Variants in DIAPH2 observed in about 807,000 individuals in gnomAD.
The protein encoded by DIAPH2 is protein diaphanous homolog 2.
DIAPH2 carries 35 observed loss-of-function variants against 92.7 expected under a neutral mutation model. The observed-to-expected ratio is 0.38, with a 90% CI of 0.29 to 0.50. DIAPH2 has a LOEUF of 0.50. Among genes scored for constraint, DIAPH2 ranks in the 20% least tolerant of loss-of-function variants. The pLI, the probability that DIAPH2 is intolerant of heterozygous loss-of-function variation, is 0.94. For missense variants in DIAPH2, 701 were observed against 819.5 expected (o/e 0.86, Z 1.77); for synonymous variants, 301 against 280.4 (o/e 1.07, Z -0.73).
intron 22 of DIAPH2, among the ~76,000 whole-genome samples, chrX:97,216,553 G>A (rs1218733738): frequency 2.8e-5 from 3 of 108,474 alleles, no homozygotes; most frequent in East Asian, 2.9e-4. Context: ...TGATCTTCCC[G>A]CCTTGGCCTC....
chrX:97,578,171 T>TTTA (rs2071411280), intron 26 of DIAPH2, among the ~76,000 whole-genome samples: 2 of 108,854 alleles, frequency 1.8e-5, no homozygotes, highest in Non-Finnish European at 3.8e-5. Context: ...TTTATTTTTA[T>TTTA]TTATTTTTAT....
intron 4 of DIAPH2, among the ~76,000 whole-genome samples, chrX:96,761,854 A>G (rs966879745): frequency 3.6e-5 from 4 of 111,178 alleles, no homozygotes; most frequent in Admixed American, 2.9e-4. Context: ...GAAGACTGTT[A>G]ATGGCACCAA....
chrX:97,530,021 C>T (rs1047137169), intron 26 of DIAPH2, among the ~76,000 whole-genome samples: 1 of 112,063 alleles, frequency 8.9e-6, no homozygotes, highest in African/African-American at 3.2e-5. Flanking sequence ...AGAAATGAGG[C>T]ATATTTCCTT....
At chrX:96,976,348 C>T (rs1201979258) in intron 17 of DIAPH2, among the ~76,000 whole-genome samples, 2 of 110,188 alleles carry the variant, frequency 1.8e-5, no homozygotes, top group Admixed American at 9.7e-5. Flanking sequence ...TCTCAAACTT[C>T]TGGGCTCAAG....
Position 96,856,867 on chromosome X carries a change from T to A in DIAPH2, c.448-24712T>A, listed in dbSNP as rs188576782. Among the ~76,000 whole-genome samples, 83 of 110,309 alleles carry A rather than the reference T, an allele frequency of 7.5e-4. 1 individual carries two copies. Among genetic ancestry groups the A allele is most frequent in the African/African-American group, 2.7e-3 (81 of 30,348 alleles). On this transcript the variant is annotated intron_variant, in intron 4 of 26. Coordinates refer to ENST00000324765, the MANE Select transcript of DIAPH2 (RefSeq NM_006729.5). ...GCCTGGCCAACATGGTGAAACCCTG[T>A]CTCTACTAAAAATACAAAAAAATTA... is the stretch of plus-strand genomic sequence containing the variant.
intron 17 of DIAPH2, among the ~76,000 whole-genome samples, chrX:97,006,803 C>G (rs963229473): frequency 9.0e-6 from 1 of 110,968 alleles, no homozygotes; most frequent in African/African-American, 3.3e-5. Context: ...TTACTCCTAC[C>G]ATTTTGTTAT....
At chrX:96,942,992 T>G (rs1363801557) in intron 13 of DIAPH2, among the ~76,000 whole-genome samples, 1 of 111,779 alleles carries the variant, frequency 8.9e-6, no homozygotes, top group Non-Finnish European at 1.9e-5. Flanking sequence ...TATTTCTGTT[T>G]TAAATGTAAT....
intron 17 of DIAPH2, among the ~76,000 whole-genome samples, chrX:96,981,136 T>C (rs1225296082): frequency 9.1e-6 from 1 of 109,981 alleles, no homozygotes; most frequent in Non-Finnish European, 1.9e-5. Flanking sequence ...ATCATGCCAC[T>C]GCAATGTAGC....
intron 22 of DIAPH2, among the ~76,000 whole-genome samples, chrX:97,237,583 A>ATT (rs200891851): frequency 2.1e-4 from 22 of 103,985 alleles, no homozygotes; most frequent in African/African-American, 3.5e-4. Context: ...TCTTTTTTCT[A>ATT]TTTTTTTTTT....
intron 26 of DIAPH2, among the ~76,000 whole-genome samples, chrX:97,477,741 C>T (rs1027034124): frequency 5.4e-5 from 6 of 111,655 alleles, no homozygotes; most frequent in Non-Finnish European, 5.6e-5. Flanking sequence ...ATCAGCTCTA[C>T]AGTTTTCAGA....
intron 4 of DIAPH2, among the ~76,000 whole-genome samples, chrX:96,851,446 G>A (rs1050297986): frequency 3.6e-5 from 4 of 111,543 alleles, no homozygotes; most frequent in African/African-American, 1.3e-4. Flanking sequence ...AGGTGTCTGT[G>A]GGGAATTGGT....
intron 17 of DIAPH2, among the ~76,000 whole-genome samples, chrX:96,997,632 A>T (rs755184549): frequency 9.0e-6 from 1 of 111,487 alleles, no homozygotes. Context: ...CTCAGTCTCA[A>T]AGCTCTGAAT....
intron 22 of DIAPH2, among the ~76,000 whole-genome samples, chrX:97,164,431 G>A (rs1003289912): frequency 4.5e-5 from 5 of 111,583 alleles, no homozygotes; most frequent in Non-Finnish European, 9.4e-5. Context: ...CGGCAAAAGT[G>A]AGGCAGACTT....
At chrX:97,469,368 G>A (rs1211315794) in intron 26 of DIAPH2, among the ~76,000 whole-genome samples, 1 of 112,001 alleles carries the variant, frequency 8.9e-6, no homozygotes, top group Non-Finnish European at 1.9e-5. Context: ...ATAGAAAGTC[G>A]CATCTATTCA....
chrX:97,107,348 C>T (rs2066948962), intron 20 of DIAPH2, among the ~76,000 whole-genome samples: 1 of 110,816 alleles, frequency 9.0e-6, no homozygotes, highest in African/African-American at 3.3e-5. Context: ...TAAGTATGGC[C>T]CTTTTCTCTC....
At chrX:96,956,146 G>C (rs899330208) in intron 15 of DIAPH2, among the ~76,000 whole-genome samples, 1 of 112,985 alleles carries the variant, frequency 8.9e-6, no homozygotes, top group East Asian at 2.8e-4. Flanking sequence ...CCAAACCTCA[G>C]TTCTTCACTT....
chrX:96,739,977 T>C (rs927339975), intron 3 of DIAPH2, among the ~76,000 whole-genome samples: 2 of 112,344 alleles, frequency 1.8e-5, no homozygotes, highest in Admixed American at 9.4e-5. Flanking sequence ...ATTACGCTAA[T>C]AGCCTTCAAT....
chrX:97,292,172 G>A (rs751568088), intron 23 of DIAPH2, among the ~76,000 whole-genome samples: 1 of 107,869 alleles, frequency 9.3e-6, no homozygotes, highest in Non-Finnish European at 1.9e-5. Context: ...GGGACCACAG[G>A]TGCATGACAC....
chrX:97,468,291 G>T (rs1311588646), intron 26 of DIAPH2, among the ~76,000 whole-genome samples: 1 of 111,302 alleles, frequency 9.0e-6, no homozygotes, highest in Non-Finnish European at 1.9e-5. Context: ...GGATGAATGG[G>T]ATAGAATGGT....
Sources: allele counts gnomAD v4.1 joint callset (sites outside exome capture counted in the v4.1 genomes callset), GRCh38; gene constraint gnomAD v4.1.1; transcripts MANE v1.5; gene names NCBI Gene and HGNC (gene_info 2026-07-23, HGNC 2026-07-21).